PIK3C2G: variants seen among roughly 807,000 people sequenced by gnomAD.
PIK3C2G encodes the protein phosphatidylinositol-4-phosphate 3-kinase catalytic subunit type 2 gamma.
A neutral mutation model predicts 181.1 loss-of-function variants in PIK3C2G; 168 were observed. The observed-to-expected ratio is 0.93, with a 90% CI of 0.82 to 1.05. PIK3C2G has a LOEUF of 1.05. PIK3C2G is among the 50% of genes least tolerant of loss of function. PIK3C2G has a pLI of 0.00. For missense variants in PIK3C2G, 1,869 were observed against 1,732.8 expected, an observed-to-expected ratio of 1.08 and a Z score of -1.40; for synonymous variants, 573 against 592.2, an observed-to-expected ratio of 0.97 and a Z score of 0.47.
At chr12:18,659,073 A>T in the PIK3C2G span, among the ~76,000 whole-genome samples, 21 of 152,134 alleles carry the variant, frequency 1.4e-4, no homozygotes, top group Non-Finnish European at 1.0e-4. Context: ...ACCAACATGG[A>T]TAGGAAACAG....
At chr12:18,591,316 T>G (rs1035569940) in intron 29 of PIK3C2G, among the ~76,000 whole-genome samples, 2 of 151,994 alleles carry the variant, frequency 1.3e-5, no homozygotes, top group Non-Finnish European at 2.9e-5. Flanking sequence ...TTGAAACTGA[T>G]GTATTCTACA....
chr12:18,652,910 G>A (rs974798856), downstream of PIK3C2G, among the ~76,000 whole-genome samples: 1 of 151,708 alleles, frequency 6.6e-6, no homozygotes, highest in Non-Finnish European at 1.5e-5. Context: ...TATATGTTCA[G>A]AATATACATA....
Position 18,458,143 on chromosome 12 carries a change from A to G in PIK3C2G, c.2505-30306A>G, listed in dbSNP as rs564742214. Among the ~76,000 whole-genome samples, 5 of 152,310 alleles carry G rather than the reference A, an allele frequency of 3.3e-5. No homozygotes were observed. In the South Asian group the frequency reaches 1.0e-3, roughly 32 times the overall value. On this transcript the variant is annotated intron_variant, in intron 18 of 32. Coordinates refer to ENST00000538779, the MANE Select transcript of PIK3C2G (RefSeq NM_001288772.2). ...CCACCATAAGCTAGGTTAGTTTTAT[A>G]GACAGAAAGGAATGAAGAAATGATA...
the PIK3C2G span, among the ~76,000 whole-genome samples, chr12:18,659,803 A>G: frequency 6.6e-6 from 1 of 151,842 alleles, no homozygotes; most frequent in East Asian, 1.9e-4. Context: ...TATGTATATC[A>G]CCTAATGCTA....
intron 18 of PIK3C2G, among the ~76,000 whole-genome samples, chr12:18,445,430 A>AT (rs1946972190): frequency 6.6e-6 from 1 of 152,080 alleles, no homozygotes; most frequent in Admixed American, 6.6e-5. Flanking sequence ...TTAAAAAAAA[A>AT]AATTGGTGGC....
intron 8 of PIK3C2G, among the ~76,000 whole-genome samples, chr12:18,337,863 C>T (rs1382412999): frequency 6.6e-6 from 1 of 152,138 alleles, no homozygotes; most frequent in Non-Finnish European, 1.5e-5. Flanking sequence ...AAAAATCAGT[C>T]ACTTCAAGGA....
chr12:18,497,571 T>C, intron 21 of PIK3C2G, 48 bp from the exon 22 acceptor site: 1 of 1,522,386 alleles, frequency 6.6e-7, no homozygotes, highest in Non-Finnish European at 9.0e-7. Context: ...TGCTTTTAAT[T>C]AACAAATTCA....
intron 8 of PIK3C2G, among the ~76,000 whole-genome samples, chr12:18,325,652 G>T (rs1951308116): frequency 6.7e-6 from 1 of 148,302 alleles, no homozygotes; most frequent in Admixed American, 6.9e-5. Flanking sequence ...AGGTTGCAGT[G>T]AGCCGAGATC....
chr12:18,725,135 A>G, the PIK3C2G span, among the ~76,000 whole-genome samples: 2 of 152,190 alleles, frequency 1.3e-5, no homozygotes, highest in African/African-American at 4.8e-5. Flanking sequence ...CAAATTACAG[A>G]AAAATGAAAA....
chr12:18,580,545 C>T lies in PIK3C2G; in HGVS notation c.4011+13488C>T, dbSNP rs576765732. Among the ~76,000 whole-genome samples the T allele has an allele frequency of 8.5e-5, 13 of 152,200 alleles. No individual in the cohort carries two copies. In the South Asian group the frequency reaches 1.5e-3, roughly 17 times the overall value. On this transcript the variant is annotated intron_variant, in intron 29 of 32. Coordinates refer to ENST00000538779, the MANE Select transcript of PIK3C2G (RefSeq NM_001288772.2). ...TGGAGCTAGCTGAGATTATGTTGCA[C>T]GCAGGATAAATGTCATATGTGTACC... is the stretch of plus-strand genomic sequence containing the variant.
intron 29 of PIK3C2G, among the ~76,000 whole-genome samples, chr12:18,567,561 G>C (rs1339293104): frequency 6.6e-6 from 1 of 151,776 alleles, no homozygotes; most frequent in Admixed American, 6.6e-5. Flanking sequence ...GTGATAAATG[G>C]ACTATCAGTG....
At chr12:18,424,068 C>T (rs189596557) in intron 18 of PIK3C2G, 29 bp downstream of exon 18, 10 of 1,387,424 alleles carry the variant, frequency 7.2e-6, no homozygotes, top group Middle Eastern at 3.5e-4. Flanking sequence ...GGCAAGGATG[C>T]CTTTTTAATT....
the PIK3C2G span, among the ~76,000 whole-genome samples, chr12:18,707,350 T>C: frequency 6.6e-6 from 1 of 152,186 alleles, no homozygotes; most frequent in Non-Finnish European, 1.5e-5. Flanking sequence ...TAAGTAATTC[T>C]GAGACTGGGC....
intron 29 of PIK3C2G, among the ~76,000 whole-genome samples, chr12:18,580,951 CTG>C (rs1409816570): frequency 6.6e-6 from 1 of 152,170 alleles, no homozygotes; most frequent in African/African-American, 2.4e-5. Context: ...GGAATGCTCA[CTG>C]AGCTGTTTTT....
Position 18,282,034 on chromosome 12 carries a change from G to T in PIK3C2G, c.-48G>T. ...TTTCTATCTTCTTTTGTATTATCAA[G>T]GAGATATTTGGAGCAGAGTCAACCC... On this transcript the variant is annotated 5_prime_UTR_variant, in exon 2 of 33. The change creates a new upstream start codon in the 5' untranslated region. Transcript: ENST00000538779. 9.6e-7 allele frequency: 1 copy of T among 1,038,158 alleles called. No individual in the cohort carries two copies. Among genetic ancestry groups the T allele is most frequent in the South Asian group, 1.6e-5 (1 of 62,764 alleles). The allele number at this position is 1,038,158 out of a possible 1,614,324, so 64.3% of individuals were successfully genotyped here.
At chr12:18,361,032 C>T (rs566597942) in intron 11 of PIK3C2G, among the ~76,000 whole-genome samples, 14 of 152,036 alleles carry the variant, frequency 9.2e-5, no homozygotes, top group African/African-American at 2.4e-4. Context: ...GCCGGCTTGA[C>T]GGTGCCCATT....
chr12:18,387,019 C>A (rs927882949), intron 14 of PIK3C2G, among the ~76,000 whole-genome samples: 1 of 152,106 alleles, frequency 6.6e-6, no homozygotes, highest in African/African-American at 2.4e-5. Context: ...ACGAAACATG[C>A]CCCAAACGGA....
intron 14 of PIK3C2G, 115 bp from the exon 15 acceptor site, chr12:18,391,006 GA>G: frequency 3.0e-6 from 2 of 665,128 alleles, no homozygotes; most frequent in Non-Finnish European, 4.3e-6. Flanking sequence ...AAATAGCACA[GA>G]AAAAATAGAA....
intron 31 of PIK3C2G, among the ~76,000 whole-genome samples, chr12:18,610,304 A>G (rs1948268321): frequency 6.6e-6 from 1 of 152,016 alleles, no homozygotes; most frequent in African/African-American, 2.4e-5. Context: ...TTCCCAGGAG[A>G]CTATATCAGG....
Sources: allele counts gnomAD v4.1 joint callset (sites outside exome capture counted in the v4.1 genomes callset), GRCh38; gene constraint gnomAD v4.1.1; transcripts MANE v1.5; gene names NCBI Gene and HGNC (gene_info 2026-07-23, HGNC 2026-07-21).